The following SYNE1 variants were observed in gnomAD, a reference collection of about 807,000 sequenced individuals.
SYNE1 encodes the protein nesprin-1.
In SYNE1, 616 loss-of-function variants were observed where a neutral mutation model predicts 1,111.0. The ratio of observed to expected loss-of-function variants is 0.55; its 90% CI spans 0.52 to 0.59. SYNE1 has a LOEUF of 0.59. Among genes scored for constraint, SYNE1 ranks in the 20% least tolerant of loss-of-function variants. The probability of loss-of-function intolerance (pLI) is 0.00; values close to 1 mark genes in which losing one functional copy is unlikely to be tolerated. For missense variants in SYNE1, 10,006 were observed against 10,417.0 expected, an observed-to-expected ratio of 0.96 and a Z score of 1.72; for synonymous variants, 3,855 against 3,825.8, an observed-to-expected ratio of 1.01 and a Z score of -0.28.
chr6:152,534,572 A>G (rs558904707), intron 4 of SYNE1, among the ~76,000 whole-genome samples: 1 of 152,348 alleles, frequency 6.6e-6, no homozygotes, highest in South Asian at 2.1e-4. Context: ...GCTAATTAAC[A>G]TATCCATCAT....
At chr6:152,325,556 C>T (rs2096042922) in intron 80 of SYNE1, among the ~76,000 whole-genome samples, 1 of 152,100 alleles carries the variant, frequency 6.6e-6, no homozygotes, top group African/African-American at 2.4e-5. Context: ...CTTGAGATGA[C>T]ATTTTTTTCA....
intron 56 of SYNE1, among the ~76,000 whole-genome samples, chr6:152,377,269 G>A (rs2097297632): frequency 6.6e-6 from 1 of 152,024 alleles, no homozygotes; most frequent in Non-Finnish European, 1.5e-5. Flanking sequence ...GTTTAAAGGT[G>A]AAAACAAATT....
intron 130 of SYNE1, among the ~76,000 whole-genome samples, chr6:152,169,423 G>A (rs1189406332): frequency 3.3e-5 from 5 of 151,678 alleles, no homozygotes; most frequent in South Asian, 4.2e-4. Context: ...TTAGCTGGGC[G>A]TGGTGGCGGG....
Position 152,331,442 on chromosome 6 carries a change from G to T in SYNE1, c.13243C>A (p.Leu4415Ile), listed in dbSNP as rs2096245933. Residue 4415 changes from leucine (L) to isoleucine (I), a missense_variant, in exon 78 of 146, where the codon CTT (leucine) becomes ATT (isoleucine). Physicochemically the swap from Leu to Ile is conservative, Grantham distance 5 (BLOSUM62 2). Around this residue, in one of 7 missense-constraint regions of SYNE1, gnomAD observed 4,955 missense variants for 5,017.2 expected, o/e 0.99. Coordinates refer to ENST00000367255, the MANE Select transcript of SYNE1 (RefSeq NM_182961.4). ...IKDADRVMADLGLNERQVIQK... is the reference protein window; with the variant it reads ...IKDADRVMADIGLNERQVIQK... Reference sequence around the variant, plus strand: ...ATGACCTGTCGCTCATTGAGACCAAGATCTGCCATGACCCTGTCTGCGTCC... The same window carrying T: ...ATGACCTGTCGCTCATTGAGACCAATATCTGCCATGACCCTGTCTGCGTCC... 1 of 1,614,040 alleles carries T rather than the reference G, an allele frequency of 6.2e-7. No individual in the cohort carries two copies. The highest frequency in any genetic ancestry group is 1.7e-5 in the Admixed American group (1 of 59,990).
intron 3 of SYNE1, among the ~76,000 whole-genome samples, chr6:152,569,433 T>C (rs928194099): frequency 1.3e-5 from 2 of 152,196 alleles, no homozygotes; most frequent in Non-Finnish European, 2.9e-5. Flanking sequence ...AAGTTTATGT[T>C]TGAAAAGCAT....
rs566309828 is a variant in SYNE1, at chr6:152,279,465, C to T, written c.18382-1185G>A. On this transcript the variant is annotated intron_variant, in intron 97 of 145. Transcript: ENST00000367255. ...GTGTGGTGGCTCTCACCTGTAATCC[C>T]AGCACTTTGGGAGGCCGAGGCAGGC... Among the ~76,000 whole-genome samples the T allele has an allele frequency of 6.2e-4, 94 of 151,584 alleles. 1 individual carries two copies. Among genetic ancestry groups the T allele is most frequent in the African/African-American group, 2.2e-3 (91 of 41,436 alleles).
At position 152,268,175 on chromosome 6, in the gene SYNE1, G is replaced by C. The variant is rs773717126; in HGVS notation, c.18706-10C>G. ...ATTCCTGTTCTAACTCCTGCTCAAG[G>C]GAAAGGACAAACGCAAACACATTTG... On this transcript the variant is annotated splice_polypyrimidine_tract_variant and intron_variant, in intron 99 of 145. Transcript: ENST00000367255. 6.2e-7 allele frequency: 1 copy of C among 1,607,328 alleles called. No individual in the cohort carries two copies. Among genetic ancestry groups the C allele is most frequent in the South Asian group, 1.1e-5 (1 of 90,946 alleles).
In SYNE1 at chr6:152,381,101, A is replaced by T. The variant is rs1179794199; in HGVS notation, c.8914T>A (p.Phe2972Ile). ...VAQLEQALEQ[F>I]SALLKTWAQQ... ...GCCCAGGTTTTCAGAAGGGCACTGA[A>T]CTGTTCCAGGGCCTGCTCCAGTTGA... The change falls in exon 56 of 146, where the codon TTC (phenylalanine) becomes ATC (isoleucine). Residue 2972 changes from phenylalanine (F) to isoleucine (I), a missense_variant. By Grantham distance (21) the Phe-to-Ile change is conservative. Coordinates refer to ENST00000367255, the MANE Select transcript of SYNE1 (RefSeq NM_182961.4). 6.2e-7 allele frequency: 1 copy of T among 1,614,018 alleles called. No homozygotes were observed. The highest frequency in any genetic ancestry group is 1.7e-5 in the Admixed American group (1 of 59,998).
chr6:152,364,729 G>GAA (rs58157377), intron 63 of SYNE1, 118 bp downstream of exon 63: 241,929 of 906,004 alleles, frequency 0.27, 49,523 homozygotes, highest in East Asian at 0.35. Flanking sequence ...AGGAAGGAAG[G>GAA]GAGGAAGGAA....
intron 127 of SYNE1, among the ~76,000 whole-genome samples, chr6:152,201,109 A>G (rs912467605): frequency 6.6e-6 from 1 of 152,236 alleles, no homozygotes; most frequent in Non-Finnish European, 1.5e-5. Context: ...TTTGAAAGAA[A>G]AACATTTTTA....
chr6:152,215,127 G>T, intron 121 of SYNE1, 67 bp from the exon 122 acceptor site: 6 of 1,568,152 alleles, frequency 3.8e-6, no homozygotes, highest in Non-Finnish European at 4.4e-6. Context: ...TTCAAAGTGC[G>T]CAGTGAATTT....
At chr6:152,632,930 G>T (rs895154210) in intron 2 of SYNE1, among the ~76,000 whole-genome samples, 1 of 152,122 alleles carries the variant, frequency 6.6e-6, no homozygotes, top group African/African-American at 2.4e-5. Context: ...AAAATGCAGA[G>T]GTACTCCCAA....
intron 127 of SYNE1, among the ~76,000 whole-genome samples, chr6:152,198,984 TAAAA>T (rs61232469): frequency 5.9e-5 from 8 of 135,352 alleles, no homozygotes; most frequent in East Asian, 2.1e-4. Context: ...CTTCAATTTG[TAAAA>T]AAAAAAAAAA....
intron 47 of SYNE1, 35 bp from the exon 48 acceptor site, chr6:152,399,858 T>A: frequency 6.2e-7 from 1 of 1,602,050 alleles, no homozygotes; most frequent in Non-Finnish European, 8.6e-7. Flanking sequence ...AGGATATTCA[T>A]AACTTGAGAG....
intron 137 of SYNE1, chr6:152,146,512 T>G (rs984804349): frequency 2.6e-5 from 4 of 152,232 alleles, no homozygotes; most frequent in Admixed American, 1.3e-4. Context: ...CAGTCCCAAC[T>G]GGCCAGTGGC....
chr6:152,190,225 G>A (rs1234475438), intron 127 of SYNE1, among the ~76,000 whole-genome samples: 1 of 152,080 alleles, frequency 6.6e-6, no homozygotes, highest in African/African-American at 2.4e-5. Flanking sequence ...ATCCATTCAA[G>A]TTTTAACATG....
chr6:152,391,660 A>C, intron 51 of SYNE1, 92 bp from the exon 52 acceptor site: 1 of 1,424,086 alleles, frequency 7.0e-7, no homozygotes, highest in South Asian at 1.4e-5. Context: ...ATATTGGAGC[A>C]GTAACCAGAC....
chr6:152,353,308 G>T lies in SYNE1; in HGVS notation c.11208C>A (p.Asp3736Glu), dbSNP rs1232538444. Residue 3736 changes from aspartate to glutamate, a missense_variant, in exon 69 of 146, where the codon GAC (aspartate) becomes GAA (glutamate). Around this residue, in one of 7 missense-constraint regions of SYNE1, gnomAD observed 4,955 missense variants for 5,017.2 expected, o/e 0.99. Transcript: ENST00000367255. ...KNFKNVATKI[D>E]KVDTVMMGKK... ...TCCCCATCATTACTGTATCTACTTT[G>T]TCAATCTTGGTAGCCACATTCTTGA... 1.2e-6 allele frequency: 2 copies of T among 1,614,148 alleles called. No homozygotes were observed. Among genetic ancestry groups the T allele is most frequent in the Non-Finnish European group, 1.7e-6 (2 of 1,180,020 alleles).
At chr6:152,253,027 TCTGA>T (rs1305310092) in intron 104 of SYNE1, among the ~76,000 whole-genome samples, 1 of 152,134 alleles carries the variant, frequency 6.6e-6, no homozygotes, top group Non-Finnish European at 1.5e-5. Flanking sequence ...ACTCGGGGAT[TCTGA>T]CTTGATCATC....
Sources: allele counts gnomAD v4.1 joint callset (sites outside exome capture counted in the v4.1 genomes callset), GRCh38; gene constraint gnomAD v4.1.1; regional missense constraint gnomAD v4.1.1; transcripts MANE v1.5; gene names NCBI Gene and HGNC (gene_info 2026-07-23, HGNC 2026-07-21).